Variants in ZDHHC15 observed in about 807,000 individuals in gnomAD.
ZDHHC15 encodes the protein palmitoyltransferase ZDHHC15.
A neutral mutation model predicts 31.7 loss-of-function variants in ZDHHC15; 19 were observed. The ratio of observed to expected loss-of-function variants is 0.60; its 90% CI spans 0.42 to 0.88. The LOEUF is 0.88. Among genes scored for constraint, ZDHHC15 ranks in the 40% least tolerant of loss-of-function variants. The probability of loss-of-function intolerance (pLI) is 0.00; values close to 1 mark genes in which losing one functional copy is unlikely to be tolerated. For missense variants in ZDHHC15, 209 were observed against 251.2 expected (o/e 0.83, Z 1.14); for synonymous variants, 103 against 90.0 (o/e 1.14, Z -0.82).
chrX:75,448,698 T>C lies in ZDHHC15; in HGVS notation c.379+2104A>G, dbSNP rs180987274. ...ATCATGTTAGGTAAAATTGTAACCT[T>C]GTTATTGTCTTTAAGTGGAGAGTAT... On this transcript the variant is annotated intron_variant, in intron 4 of 11. Transcript: ENST00000373367. Among the ~76,000 whole-genome samples, 61 of 111,392 alleles carry C rather than the reference T, an allele frequency of 5.5e-4. 1 individual carries two copies. Among genetic ancestry groups the C allele is most frequent in the African/African-American group, 1.9e-3 (58 of 30,678 alleles).
chrX:75,387,210 AAGAC>A (rs1176479904), intron 10 of ZDHHC15, among the ~76,000 whole-genome samples: 4 of 112,336 alleles, frequency 3.6e-5, no homozygotes, highest in Non-Finnish European at 5.6e-5. Context: ...AAACCAAAAC[AAGAC>A]AGACAGAGAA....
At chrX:75,436,839 T>G (rs2083857926) in intron 4 of ZDHHC15, among the ~76,000 whole-genome samples, 1 of 112,787 alleles carries the variant, frequency 8.9e-6, no homozygotes, top group South Asian at 3.6e-4. Context: ...TCTGTAAATA[T>G]CTGTTTTGTT....
In ZDHHC15 at chrX:75,370,888, C is replaced by CATT. The variant is rs753940420; in HGVS notation, c.*2087_*2089dup. On this transcript the variant is annotated 3_prime_UTR_variant, in exon 12 of 12. Transcript: ENST00000373367. ...GTAAGACATTAAACAATCAGCTTTG[C>CATT]ATTACATCTTTCCTGAGCTTTACCT... 8 of 111,905 alleles carry CATT rather than the reference C, an allele frequency of 7.1e-5. No individual in the cohort carries two copies. Among genetic ancestry groups the CATT allele is most frequent in the African/African-American group, 2.6e-4 (8 of 30,817 alleles). The allele number at this position is 111,905 out of a possible 1,213,427, so 9.2% of individuals were successfully genotyped here.
At chrX:75,490,808 A>G (rs1351925864) in intron 2 of ZDHHC15, among the ~76,000 whole-genome samples, 1 of 111,793 alleles carries the variant, frequency 8.9e-6, no homozygotes, top group Non-Finnish European at 1.9e-5. Context: ...TTATTGGTGT[A>G]TAAGAATGCT....
chrX:75,409,507 A>C (rs1454190125), intron 10 of ZDHHC15, among the ~76,000 whole-genome samples: 33 of 96,535 alleles, frequency 3.4e-4, no homozygotes, highest in African/African-American at 1.2e-3. Flanking sequence ...AAAAAAAAAA[A>C]AAAAAACACT....
intron 3 of ZDHHC15, among the ~76,000 whole-genome samples, chrX:75,459,257 G>C (rs1364394729): frequency 9.0e-6 from 1 of 111,026 alleles, no homozygotes; most frequent in Admixed American, 9.6e-5. Context: ...AGATCCATTT[G>C]TACATACACC....
chrX:75,509,559 A>G (rs971819122), intron 1 of ZDHHC15, among the ~76,000 whole-genome samples: 1 of 111,989 alleles, frequency 8.9e-6, no homozygotes, highest in African/African-American at 3.2e-5. Context: ...TTAACGAATG[A>G]CATGTTTGGG....
At chrX:75,430,010 A>G (rs2083760761) in intron 5 of ZDHHC15, 30 bp from the exon 6 acceptor site, 3 of 1,195,790 alleles carry the variant, frequency 2.5e-6, no homozygotes, top group Non-Finnish European at 1.1e-6. Flanking sequence ...CAGTGTGATA[A>G]GTGAGGCTAT....
In ZDHHC15 at chrX:75,435,288, C is replaced by T. The variant is rs183403299; in HGVS notation, c.380-3768G>A. Reference sequence around the variant, plus strand: ...GGTATATGATCACATTATCAGCAAACAGTGACTGTTTGACTTCCTCTTTAT... The same window carrying T: ...GGTATATGATCACATTATCAGCAAATAGTGACTGTTTGACTTCCTCTTTAT... On this transcript the variant is annotated intron_variant, in intron 4 of 11. Transcript: ENST00000373367. 2.7e-5 allele frequency among the ~76,000 whole-genome samples: 3 copies of T among 111,765 alleles called. No individual in the cohort carries two copies. The Admixed American group carries it at 2.9e-4, about 11-fold the overall frequency.
chrX:75,454,632 G>A (rs1010554066), intron 3 of ZDHHC15, among the ~76,000 whole-genome samples: 2 of 111,508 alleles, frequency 1.8e-5, no homozygotes, highest in African/African-American at 6.5e-5. Flanking sequence ...CATTCTAACT[G>A]GTGTGAGATG....
At chrX:75,440,747 T>C (rs1242863667) in intron 4 of ZDHHC15, among the ~76,000 whole-genome samples, 1 of 111,436 alleles carries the variant, frequency 9.0e-6, no homozygotes, top group Non-Finnish European at 1.9e-5. Flanking sequence ...GACATAGAAC[T>C]CCCAAGAGAT....
chrX:75,379,897 C>T (rs1364923501), intron 10 of ZDHHC15, among the ~76,000 whole-genome samples: 2 of 18,012 alleles, frequency 1.1e-4, no homozygotes, highest in Admixed American at 2.6e-3. Flanking sequence ...AAGACAGAGG[C>T]CAGCCAGTCA....
At chrX:75,464,047 A>G (rs1447434959) in intron 3 of ZDHHC15, among the ~76,000 whole-genome samples, 1 of 112,085 alleles carries the variant, frequency 8.9e-6, no homozygotes, top group Non-Finnish European at 1.9e-5. Flanking sequence ...AATGTCCAAC[A>G]ATGATAGACT....
intron 1 of ZDHHC15, among the ~76,000 whole-genome samples, chrX:75,517,429 C>G (rs1284646512): frequency 9.1e-6 from 1 of 109,328 alleles, no homozygotes; most frequent in Non-Finnish European, 1.9e-5. Flanking sequence ...GAGTTCATGT[C>G]CTTTGTAGGG....
intron 7 of ZDHHC15, 23 bp downstream of exon 7, chrX:75,429,055 C>T: frequency 1.7e-6 from 2 of 1,203,970 alleles, no homozygotes; most frequent in South Asian, 1.8e-5. Context: ...TCTAGGGGAC[C>T]CTTCAGGATA....
intron 1 of ZDHHC15, among the ~76,000 whole-genome samples, chrX:75,518,278 A>G (rs887874605): frequency 1.8e-5 from 2 of 111,772 alleles, no homozygotes; most frequent in African/African-American, 6.5e-5. Context: ...AACAACAAAA[A>G]GACAACCCAA....
At chrX:75,488,107 T>A (rs969882452) in intron 2 of ZDHHC15, among the ~76,000 whole-genome samples, 4 of 112,107 alleles carry the variant, frequency 3.6e-5, no homozygotes, top group Non-Finnish European at 7.5e-5. Context: ...TTTGAGGGAA[T>A]AATCGAGAAA....
intron 10 of ZDHHC15, among the ~76,000 whole-genome samples, chrX:75,387,705 A>G (rs2083194511): frequency 8.9e-6 from 1 of 111,952 alleles, no homozygotes; most frequent in Admixed American, 9.5e-5. Context: ...TGTGTACAAG[A>G]GGGAGTTGAG....
At chrX:75,517,857 C>T (rs1185599820) in intron 1 of ZDHHC15, among the ~76,000 whole-genome samples, 1 of 109,675 alleles carries the variant, frequency 9.1e-6, no homozygotes, top group Non-Finnish European at 1.9e-5. Flanking sequence ...TATAAGAAAA[C>T]ACAGGGCACA....
Sources: gnomAD v4.1 joint callset for allele counts (sites outside exome capture counted in the v4.1 genomes callset) on GRCh38, gnomAD v4.1.1 for gene constraint, MANE v1.5 for transcripts, NCBI Gene and HGNC (gene_info 2026-07-23, HGNC 2026-07-21) for gene names.